Variants in NRXN1 observed in about 807,000 individuals in gnomAD.
NRXN1 encodes the protein neurexin 1.
A neutral mutation model predicts 150.9 loss-of-function variants in NRXN1; 39 were observed. The ratio of observed to expected loss-of-function variants is 0.26; its 90% CI spans 0.20 to 0.34. NRXN1 has a LOEUF of 0.34. NRXN1 is among the 10% of genes least tolerant of loss of function. The probability of loss-of-function intolerance (pLI) is 1.00; values close to 1 mark genes in which losing one functional copy is unlikely to be tolerated. For missense variants in NRXN1, 1,815 were observed against 1,949.9 expected, an observed-to-expected ratio of 0.93 and a Z score of 1.30; for synonymous variants, 924 against 757.0, an observed-to-expected ratio of 1.22 and a Z score of -3.62.
At chr2:50,978,593 A>T (rs1051657576) in intron 2 of NRXN1, among the ~76,000 whole-genome samples, 2 of 151,830 alleles carry the variant, frequency 1.3e-5, no homozygotes, top group East Asian at 3.9e-4. Flanking sequence ...CATCTTTCTT[A>T]GTGTTTTGCA....
chr2:50,908,252 G>A (rs1367490655), intron 5 of NRXN1, among the ~76,000 whole-genome samples: 2 of 151,926 alleles, frequency 1.3e-5, no homozygotes, highest in Admixed American at 6.6e-5. Context: ...CAGAAAGGCT[G>A]ACTTATGAGC....
At chr2:50,816,338 A>G (rs1455885052) in intron 5 of NRXN1, among the ~76,000 whole-genome samples, 1 of 152,134 alleles carries the variant, frequency 6.6e-6, no homozygotes. Context: ...CCTGGGTGGC[A>G]GACCTCACAG....
intron 21 of NRXN1, among the ~76,000 whole-genome samples, chr2:50,016,748 A>C (rs72889512): frequency 0.13 from 20,248 of 152,150 alleles, 1,424 homozygotes; most frequent in South Asian, 0.18. Context: ...ATTACAATTC[A>C]AGGTGATAAT....
At chr2:50,004,154 G>A (rs1402601042) in intron 21 of NRXN1, among the ~76,000 whole-genome samples, 1 of 152,058 alleles carries the variant, frequency 6.6e-6, no homozygotes, top group Admixed American at 6.6e-5. Flanking sequence ...TTAGATCATA[G>A]TGAAAGTCTT....
intron 5 of NRXN1, among the ~76,000 whole-genome samples, chr2:50,878,439 C>A (rs970177837): frequency 1.2e-4 from 18 of 151,960 alleles, no homozygotes; most frequent in African/African-American, 4.1e-4. Context: ...CCTCCTCCAC[C>A]TACACCCTAC....
chr2:49,935,494 G>C (rs17039476), intron 22 of NRXN1, among the ~76,000 whole-genome samples: 1 of 152,050 alleles, frequency 6.6e-6, no homozygotes, highest in African/African-American at 2.4e-5. Flanking sequence ...CCAGTGTCAG[G>C]CTTCTTATAA....
At chr2:50,000,707 A>G (rs1395150838) in intron 21 of NRXN1, among the ~76,000 whole-genome samples, 2 of 152,196 alleles carry the variant, frequency 1.3e-5, no homozygotes, top group Non-Finnish European at 2.9e-5. Context: ...TTAACAGGAT[A>G]TCAATGTGGT....
At chr2:50,761,690 G>A (rs1372084978) in intron 5 of NRXN1, among the ~76,000 whole-genome samples, 1 of 151,844 alleles carries the variant, frequency 6.6e-6, no homozygotes, top group African/African-American at 2.4e-5. Flanking sequence ...TGAGGATGTT[G>A]CCAAAAGAGA....
At chr2:50,186,360 G>C (rs999890947) in intron 18 of NRXN1, among the ~76,000 whole-genome samples, 1 of 151,904 alleles carries the variant, frequency 6.6e-6, no homozygotes, top group African/African-American at 2.4e-5. Context: ...AAAGATATCA[G>C]ATTTTAAAGG....
chr2:50,802,727 T>G (rs1446343061), intron 5 of NRXN1, among the ~76,000 whole-genome samples: 3 of 152,050 alleles, frequency 2.0e-5, no homozygotes, highest in African/African-American at 7.2e-5. Flanking sequence ...ATGTGGGCCC[T>G]AATCCAATAT....
intron 19 of NRXN1, among the ~76,000 whole-genome samples, chr2:50,073,067 T>G (rs554161297): frequency 6.6e-6 from 1 of 152,244 alleles, no homozygotes; most frequent in East Asian, 1.9e-4. Context: ...TCCTGGAGCC[T>G]ATACCCTTAG....
At chr2:50,983,764 T>C (rs906728012) in intron 2 of NRXN1, among the ~76,000 whole-genome samples, 2 of 152,080 alleles carry the variant, frequency 1.3e-5, no homozygotes, top group South Asian at 4.1e-4. Flanking sequence ...TCTGCCAGGA[T>C]GGATCTTGTC....
chr2:50,735,956 C>T (rs1251596723), intron 5 of NRXN1, among the ~76,000 whole-genome samples: 1 of 152,116 alleles, frequency 6.6e-6, no homozygotes, highest in Non-Finnish European at 1.5e-5. Context: ...ACTCCAAAAT[C>T]CCCTAATCTG....
intron 5 of NRXN1, among the ~76,000 whole-genome samples, chr2:50,805,275 G>A (rs533341359): frequency 7.2e-5 from 11 of 152,002 alleles, no homozygotes; most frequent in Non-Finnish European, 1.3e-4. Flanking sequence ...AACATATTAC[G>A]TGAGGACTTT....
intron 21 of NRXN1, chr2:50,023,155 A>G (rs1485473671): frequency 6.6e-6 from 1 of 152,202 alleles, no homozygotes; most frequent in East Asian, 1.9e-4. Context: ...CCCATAAGAA[A>G]GGCATAAATT....
chr2:50,416,565 A>G (rs1465425953), intron 17 of NRXN1, among the ~76,000 whole-genome samples: 1 of 152,178 alleles, frequency 6.6e-6, no homozygotes, highest in Admixed American at 6.6e-5. Context: ...TCACACTCCT[A>G]TAAAGAAATG....
At chr2:50,695,808 A>C (rs1217956323) in intron 5 of NRXN1, among the ~76,000 whole-genome samples, 1 of 149,684 alleles carries the variant, frequency 6.7e-6, no homozygotes, top group African/African-American at 2.5e-5. Context: ...ATTCCAAAGG[A>C]TTAGGGAAAT....
intron 2 of NRXN1, 104 bp downstream of exon 2, chr2:51,027,398 C>A: frequency 8.2e-7 from 1 of 1,222,428 alleles, no homozygotes; most frequent in Non-Finnish European, 1.1e-6. Context: ...AGCGAACTGC[C>A]ACACGTTTGC....
chr2:50,404,507 T>C (rs921441141), intron 17 of NRXN1, among the ~76,000 whole-genome samples: 2 of 152,072 alleles, frequency 1.3e-5, no homozygotes, highest in Non-Finnish European at 2.9e-5. Flanking sequence ...CAAAGAGTTT[T>C]AGGGTTGAAG....
Sources: allele counts gnomAD v4.1 joint callset (sites outside exome capture counted in the v4.1 genomes callset), GRCh38; gene constraint gnomAD v4.1.1; transcripts MANE v1.5; gene names NCBI Gene and HGNC (gene_info 2026-07-23, HGNC 2026-07-21).